GABRA3: variants seen among roughly 807,000 people sequenced by gnomAD.
The protein encoded by GABRA3 is gamma-aminobutyric acid type A receptor subunit alpha3, also known as gamma-aminobutyric acid receptor subunit alpha-3.
GABRA3 carries 10 observed loss-of-function variants against 30.1 expected under a neutral mutation model. The ratio of observed to expected loss-of-function variants is 0.33; its 90% confidence interval spans 0.20 to 0.56. The LOEUF (loss-of-function observed/expected upper bound fraction) is 0.56, where lower values mean the gene tolerates loss of function less well. Among genes scored for constraint, GABRA3 ranks in the 20% least tolerant of loss-of-function variants. GABRA3 has a pLI of 0.89. For missense variants in GABRA3, 233 were observed against 392.0 expected, an observed-to-expected ratio of 0.59 and a Z score of 3.42; for synonymous variants, 151 against 146.8, an observed-to-expected ratio of 1.03 and a Z score of -0.21.
chrX:152,293,593 CAAT>C (rs1255246665), intron 3 of GABRA3, among the ~76,000 whole-genome samples: 1 of 110,709 alleles, frequency 9.0e-6, no homozygotes, highest in Non-Finnish European at 1.9e-5. Flanking sequence ...ACAATAACAA[CAAT>C]AATAACAATA....
chrX:152,316,671 C>T (rs1372166077), intron 3 of GABRA3, among the ~76,000 whole-genome samples: 4 of 112,055 alleles, frequency 3.6e-5, no homozygotes, highest in African/African-American at 1.3e-4. Flanking sequence ...TCAGCAGAAA[C>T]CCTACAAGCT....
chrX:152,298,424 T>C (rs1167660898), intron 3 of GABRA3, among the ~76,000 whole-genome samples: 1 of 105,185 alleles, frequency 9.5e-6, no homozygotes, highest in East Asian at 3.0e-4. Flanking sequence ...CCTTCCTGTG[T>C]CCAAGTGTTC....
At chrX:152,231,627 A>G in intron 5 of GABRA3, among the ~76,000 whole-genome samples, 1 of 111,367 alleles carries the variant, frequency 9.0e-6, no homozygotes. Context: ...GCTTACCGTA[A>G]GACCCTGTGG....
chrX:152,218,658 C>G (rs1937772599), intron 6 of GABRA3, among the ~76,000 whole-genome samples: 1 of 110,844 alleles, frequency 9.0e-6, no homozygotes, highest in African/African-American at 3.3e-5. Context: ...GTGTGTATTT[C>G]TTTATAATTG....
At chrX:152,381,796 C>A (rs750235793) in intron 1 of GABRA3, among the ~76,000 whole-genome samples, 1 of 110,322 alleles carries the variant, frequency 9.1e-6, no homozygotes, top group South Asian at 3.9e-4. Context: ...TGAGAACATG[C>A]GGTGTTTGGC....
chrX:152,263,350 A>G (rs1000476412), intron 4 of GABRA3, among the ~76,000 whole-genome samples: 1 of 110,999 alleles, frequency 9.0e-6, no homozygotes, highest in African/African-American at 3.3e-5. Context: ...GAAGGAATTC[A>G]GAATTCTATC....
intron 1 of GABRA3, among the ~76,000 whole-genome samples, chrX:152,373,098 A>T (rs774792409): frequency 8.9e-6 from 1 of 111,870 alleles, no homozygotes; most frequent in Non-Finnish European, 1.9e-5. Context: ...TCATACTTCT[A>T]TCTTTTTGTG....
intron 3 of GABRA3, among the ~76,000 whole-genome samples, chrX:152,337,724 A>AAGG (rs1266172189): frequency 9.0e-6 from 1 of 111,583 alleles, no homozygotes; most frequent in Admixed American, 9.5e-5. Flanking sequence ...GAGGCTAAGG[A>AAGG]AGGAAGATCC....
intron 1 of GABRA3, among the ~76,000 whole-genome samples, chrX:152,398,632 AAC>A (rs761746745): frequency 6.2e-5 from 7 of 112,459 alleles, no homozygotes; most frequent in African/African-American, 2.3e-4. Flanking sequence ...GAAGTTTTGA[AAC>A]AATTCAGATT....
intron 3 of GABRA3, among the ~76,000 whole-genome samples, chrX:152,319,341 T>C (rs767533054): frequency 8.9e-5 from 10 of 112,018 alleles, no homozygotes; most frequent in Admixed American, 1.9e-4. Flanking sequence ...TATAAGGCCA[T>C]AGTCACCAAA....
At chrX:152,216,570 T>C in intron 6 of GABRA3, among the ~76,000 whole-genome samples, 1 of 109,506 alleles carries the variant, frequency 9.1e-6, no homozygotes, top group East Asian at 2.9e-4. Context: ...CATTGTATCA[T>C]TCATATACAT....
At chrX:152,339,889 T>C (rs1272763063) in intron 3 of GABRA3, among the ~76,000 whole-genome samples, 1 of 112,133 alleles carries the variant, frequency 8.9e-6, no homozygotes, top group Non-Finnish European at 1.9e-5. Flanking sequence ...TCTTTTCCTA[T>C]CATTTTATCT....
chrX:152,290,137 T>G (rs1939378752), intron 3 of GABRA3, among the ~76,000 whole-genome samples: 1 of 107,018 alleles, frequency 9.3e-6, no homozygotes, highest in South Asian at 4.1e-4. Flanking sequence ...CCACCAACAA[T>G]GTAAAAGTAT....
rs1172126898 is a variant in GABRA3, at chrX:152,412,253, A to G, written c.-27+38893T>C. ...AAATTGGCTCAGCTACTGTTTAAAA[A>G]CAGTTTGGTGAGTCCTCAGTAAGTT... On this transcript the variant is annotated intron_variant, in intron 1 of 9. Coordinates refer to ENST00000370314, the MANE Select transcript of GABRA3 (RefSeq NM_000808.4). Among the ~76,000 whole-genome samples the G allele has an allele frequency of 3.6e-5, 4 of 112,022 alleles. No homozygotes were observed. In the East Asian group the frequency reaches 1.1e-3, roughly 32 times the overall value.
At chrX:152,224,685 A>G (rs1030911016) in intron 6 of GABRA3, 78 bp downstream of exon 6, 1 of 743,584 alleles carries the variant, frequency 1.3e-6, no homozygotes, top group Admixed American at 2.7e-5. Flanking sequence ...CTTGCAGTGG[A>G]CAGAATATAA....
At chrX:152,379,411 C>T (rs1480008971) in intron 1 of GABRA3, among the ~76,000 whole-genome samples, 1 of 110,725 alleles carries the variant, frequency 9.0e-6, no homozygotes, top group African/African-American at 3.3e-5. Context: ...CTTAACTGTA[C>T]AATAACAAAA....
At chrX:152,188,089 G>A (rs1937278693) in intron 9 of GABRA3, among the ~76,000 whole-genome samples, 1 of 111,172 alleles carries the variant, frequency 9.0e-6, no homozygotes, top group African/African-American at 3.3e-5. Context: ...TTGGGAAGGT[G>A]GGGGGAAGAA....
At chrX:152,328,155 G>A (rs972812843) in intron 3 of GABRA3, among the ~76,000 whole-genome samples, 1 of 111,546 alleles carries the variant, frequency 9.0e-6, no homozygotes, top group African/African-American at 3.3e-5. Context: ...CCAGGAAGAA[G>A]TTGAATCCCT....
At chrX:152,450,611 G>A in intron 1 of GABRA3, among the ~76,000 whole-genome samples, 1 of 110,921 alleles carries the variant, frequency 9.0e-6, no homozygotes, top group South Asian at 3.9e-4. Flanking sequence ...GCATGTGGGG[G>A]AGGTAATGGG....
Sources: gnomAD v4.1 joint callset for allele counts (sites outside exome capture counted in the v4.1 genomes callset) on GRCh38, gnomAD v4.1.1 for gene constraint, MANE v1.5 for transcripts, NCBI Gene and HGNC (gene_info 2026-07-23, HGNC 2026-07-21) for gene names.